Variants in SDK1 observed in about 807,000 individuals in gnomAD.
SDK1 encodes protein sidekick-1.
A neutral mutation model predicts 245.5 loss-of-function variants in SDK1; 157 were observed. The ratio of observed to expected loss-of-function variants is 0.64; its 90% CI spans 0.56 to 0.73. SDK1 has a LOEUF of 0.73. SDK1 is among the 30% of genes least tolerant of loss of function. The probability of loss-of-function intolerance (pLI) is 0.00; values close to 1 mark genes in which losing one functional copy is unlikely to be tolerated. For missense variants in SDK1, 3,583 were observed against 3,002.3 expected, an observed-to-expected ratio of 1.19 and a Z score of -4.52; for synonymous variants, 1,647 against 1,278.5, an observed-to-expected ratio of 1.29 and a Z score of -6.15.
chr7:3,567,562 G>C (rs1779965622), intron 1 of SDK1, among the ~76,000 whole-genome samples: 1 of 152,216 alleles, frequency 6.6e-6, no homozygotes, highest in Non-Finnish European at 1.5e-5. Flanking sequence ...GTACATGCTA[G>C]TCATTGCTAA....
rs796410094 is a variant in SDK1 at position 3,458,529 on chromosome 7, AT to A, written c.298+156656del. On this transcript the variant is annotated intron_variant, in intron 1 of 44. Transcript: ENST00000404826. ...CCATCTACCCCCTTTTTTCTTCAGA[AT>A]TTTTTTTTTTGTACTTTTTTGTACC... Among the ~76,000 whole-genome samples, 153 of 147,160 alleles carry A rather than the reference AT, an allele frequency of 1.0e-3. 2 individuals are homozygous for A. The highest frequency in any genetic ancestry group is 2.6e-3 in the East Asian group (13 of 5,004).
chr7:3,533,980 G>A (rs1488051343), intron 1 of SDK1, among the ~76,000 whole-genome samples: 1 of 152,082 alleles, frequency 6.6e-6, no homozygotes, highest in East Asian at 1.9e-4. Flanking sequence ...GTGAATATAG[G>A]CACAATGCTG....
chr7:3,816,582 G>A (rs572934182), intron 4 of SDK1, among the ~76,000 whole-genome samples: 1 of 151,772 alleles, frequency 6.6e-6, no homozygotes, highest in African/African-American at 2.4e-5. Flanking sequence ...AATAACAGGA[G>A]CTGAAATTGT....
intron 1 of SDK1, among the ~76,000 whole-genome samples, chr7:3,371,350 T>A (rs181752120): frequency 1.3e-5 from 2 of 152,240 alleles, no homozygotes; most frequent in East Asian, 3.9e-4. Context: ...GGAAAAAATT[T>A]CCAGGATGCA....
At chr7:3,862,381 G>C (rs1331979376) in intron 5 of SDK1, among the ~76,000 whole-genome samples, 1 of 152,188 alleles carries the variant, frequency 6.6e-6, no homozygotes, top group East Asian at 1.9e-4. Flanking sequence ...GTCTCGGTCT[G>C]TGTTGTTGTG....
chr7:3,610,062 T>G (rs1484111106), intron 1 of SDK1, among the ~76,000 whole-genome samples: 1 of 152,228 alleles, frequency 6.6e-6, no homozygotes, highest in East Asian at 1.9e-4. Context: ...TCACATATTA[T>G]TACTTCTTGA....
At chr7:3,669,571 A>C (rs886912631) in intron 4 of SDK1, among the ~76,000 whole-genome samples, 2 of 151,982 alleles carry the variant, frequency 1.3e-5, no homozygotes, top group Admixed American at 1.3e-4. Flanking sequence ...TTCTTCTTAG[A>C]CCTCTTTGCC....
At chr7:3,692,703 A>G (rs1454371546) in intron 4 of SDK1, among the ~76,000 whole-genome samples, 2 of 152,036 alleles carry the variant, frequency 1.3e-5, no homozygotes, top group Non-Finnish European at 2.9e-5. Flanking sequence ...GAGGTGATTC[A>G]TATATTTTAT....
At chr7:3,841,026 C>G (rs1320573224) in intron 5 of SDK1, among the ~76,000 whole-genome samples, 1 of 152,224 alleles carries the variant, frequency 6.6e-6, no homozygotes, top group African/African-American at 2.4e-5. Context: ...GAGAGAGCTG[C>G]TGCATGTGAT....
At chr7:3,587,031 C>T (rs1780713431) in intron 1 of SDK1, among the ~76,000 whole-genome samples, 1 of 152,132 alleles carries the variant, frequency 6.6e-6, no homozygotes, top group Admixed American at 6.6e-5. Context: ...GGACCCTGGG[C>T]ACAGTGCAGA....
chr7:3,987,108 C>A, intron 13 of SDK1, 78 bp from the exon 14 acceptor site: 2 of 1,437,534 alleles, frequency 1.4e-6, no homozygotes, highest in South Asian at 1.2e-5. Context: ...GCAGGACGGT[C>A]TGCTGTAAGA....
At chr7:3,666,422 C>A (rs996238739) in intron 4 of SDK1, among the ~76,000 whole-genome samples, 5 of 152,196 alleles carry the variant, frequency 3.3e-5, no homozygotes, top group Non-Finnish European at 7.3e-5. Flanking sequence ...CAGATTTTAT[C>A]TTACATTTCA....
At chr7:3,638,034 C>T (rs79519905) in intron 2 of SDK1, among the ~76,000 whole-genome samples, 3,583 of 152,292 alleles carry the variant, frequency 0.024, 148 homozygotes, top group African/African-American at 0.081. Flanking sequence ...GAATTATAAA[C>T]GATTTTTGAT....
intron 16 of SDK1, among the ~76,000 whole-genome samples, chr7:4,012,843 C>A (rs1353823846): frequency 6.6e-6 from 1 of 152,040 alleles, no homozygotes; most frequent in Non-Finnish European, 1.5e-5. Context: ...CAATCCTCAG[C>A]TGGGATTACA....
At chr7:4,084,670 TGTTAC>T (rs57299547) in intron 22 of SDK1, among the ~76,000 whole-genome samples, 37,829 of 130,996 alleles carry the variant, frequency 0.29, 5,676 homozygotes, top group African/African-American at 0.55. Flanking sequence ...GTATATGTTA[TGTTAC>T]GTTATGTTAT....
At chr7:3,715,005 A>T (rs1187594674) in intron 4 of SDK1, among the ~76,000 whole-genome samples, 1 of 152,206 alleles carries the variant, frequency 6.6e-6, no homozygotes, top group Non-Finnish European at 1.5e-5. Flanking sequence ...AATTAAGTAA[A>T]AAATAAATGA....
At chr7:3,738,955 A>AT (rs1779398274) in intron 4 of SDK1, among the ~76,000 whole-genome samples, 2 of 148,606 alleles carry the variant, frequency 1.3e-5, no homozygotes, top group Admixed American at 6.6e-5. Context: ...AAGATCAATT[A>AT]TTTTTGTTTT....
At chr7:3,538,877 T>C (rs745459177) in intron 1 of SDK1, among the ~76,000 whole-genome samples, 1 of 152,224 alleles carries the variant, frequency 6.6e-6, no homozygotes, top group Non-Finnish European at 1.5e-5. Flanking sequence ...ACTTATGCTG[T>C]CGGCATGATT....
rs1346918919 is a variant in SDK1 at position 3,971,494 on chromosome 7, G to A, written c.1743G>A (p.Glu581=). The A allele has an allele frequency of 3.1e-6, 5 of 1,613,458 alleles. No individual in the cohort carries two copies. The highest frequency in any genetic ancestry group is 4.2e-6 in the Non-Finnish European group (5 of 1,179,730). ...GGACGTCCATCGTCCACCCTCCTGA[G>A]GACCACGTGGTGATTAAGGGGACCA... ...WNRTSIVHPP[E]DHVVIKGTTA... is the part of the protein sequence containing the mutation. The change falls in exon 12 of 45, where the codon GAG becomes GAA. Residue 581 remains glutamate (E), a synonymous_variant. Coordinates refer to ENST00000404826, the MANE Select transcript of SDK1 (RefSeq NM_152744.4).
Sources: gnomAD v4.1 joint callset for allele counts (sites outside exome capture counted in the v4.1 genomes callset) on GRCh38, gnomAD v4.1.1 for gene constraint, MANE v1.5 for transcripts, NCBI Gene and HGNC (gene_info 2026-07-23, HGNC 2026-07-21) for gene names.